The following TOP6BL variants were observed in gnomAD, a reference collection of about 807,000 sequenced individuals.
TOP6BL encodes TOP6B like initiator of meiotic double strand breaks, also known as type 2 DNA topoisomerase 6 subunit B-like.
At chr11:66,767,497 A>G in the TOP6BL span, among the ~76,000 whole-genome samples, 1 of 152,130 alleles carries the variant, frequency 6.6e-6, no homozygotes, top group South Asian at 2.1e-4. Flanking sequence ...TCTTTCTTCT[A>G]TTCATATTAT....
chr11:66,779,522 G>C, the TOP6BL span, among the ~76,000 whole-genome samples: 1 of 152,206 alleles, frequency 6.6e-6, no homozygotes, highest in African/African-American at 2.4e-5. Flanking sequence ...ACAGGTGCTG[G>C]AGAGGATGTG....
chr11:66,786,952 A>C, the TOP6BL span, among the ~76,000 whole-genome samples: 6 of 138,872 alleles, frequency 4.3e-5, no homozygotes, highest in Non-Finnish European at 9.4e-5. Flanking sequence ...TTTTTTTTTG[A>C]GATGGAGTTT....
At chr11:66,842,975 C>T in the TOP6BL span, 47 of 1,550,510 alleles carry the variant, frequency 3.0e-5, no homozygotes, top group African/African-American at 4.6e-4. Flanking sequence ...CCGGAAGCCA[C>T]CGCGGCCCCC....
chr11:66,763,223 A>T, the TOP6BL span, among the ~76,000 whole-genome samples: 10 of 152,200 alleles, frequency 6.6e-5, no homozygotes, highest in Non-Finnish European at 1.2e-4. Flanking sequence ...ATGAGGACTT[A>T]AAAATGCTTG....
At chr11:66,819,232 A>T in the TOP6BL span, among the ~76,000 whole-genome samples, 1 of 152,188 alleles carries the variant, frequency 6.6e-6, no homozygotes, top group Non-Finnish European at 1.5e-5. Context: ...TTGTCATGGT[A>T]ACTTTTCTGT....
At chr11:66,825,585 C>T in the TOP6BL span, among the ~76,000 whole-genome samples, 1 of 152,024 alleles carries the variant, frequency 6.6e-6, no homozygotes, top group Admixed American at 6.6e-5. Flanking sequence ...CAGAGGAGGG[C>T]CCTCACCAGA....
the TOP6BL span, chr11:66,744,819 G>GGGGGGCGGCGGCGGC: frequency 9.8e-6 from 12 of 1,230,604 alleles, no homozygotes; most frequent in African/African-American, 1.6e-4. Flanking sequence ...GCTGAGGAGG[G>GGGGGGCGGCGGCGGC]GGCGGCGGCG....
the TOP6BL span, among the ~76,000 whole-genome samples, chr11:66,831,452 A>G: frequency 6.6e-6 from 1 of 152,250 alleles, no homozygotes; most frequent in Non-Finnish European, 1.5e-5. Flanking sequence ...ACACAGTGAC[A>G]TGGATGAATC....
the TOP6BL span, among the ~76,000 whole-genome samples, chr11:66,773,550 A>T: frequency 1.3e-5 from 2 of 151,672 alleles, no homozygotes; most frequent in African/African-American, 4.8e-5. Context: ...ATTTTCCTTG[A>T]TCAGTCTGGC....
At chr11:66,764,590 G>A in the TOP6BL span, among the ~76,000 whole-genome samples, 1 of 151,084 alleles carries the variant, frequency 6.6e-6, no homozygotes, top group Non-Finnish European at 1.5e-5. Context: ...GCTTGAACCT[G>A]GGAGGCGGAG....
the TOP6BL span, among the ~76,000 whole-genome samples, chr11:66,764,913 A>C: frequency 6.6e-6 from 1 of 151,974 alleles, no homozygotes; most frequent in Admixed American, 6.6e-5. Flanking sequence ...GTCTGCAGTG[A>C]GCTGTGATTG....
At chr11:66,835,996 T>C in the TOP6BL span, among the ~76,000 whole-genome samples, 2 of 152,252 alleles carry the variant, frequency 1.3e-5, no homozygotes, top group Admixed American at 6.5e-5. Context: ...TGCATCATTT[T>C]ACATTCCTGC....
At chr11:66,821,554 C>G in the TOP6BL span, 1 of 1,429,318 alleles carries the variant, frequency 7.0e-7, no homozygotes, top group Non-Finnish European at 9.5e-7. Flanking sequence ...GGATTACAGG[C>G]CACATCTGGT....
chr11:66,794,093 CA>C, the TOP6BL span, among the ~76,000 whole-genome samples: 7 of 102,594 alleles, frequency 6.8e-5, no homozygotes. Flanking sequence ...GCCTGAGTGA[CA>C]AAGCGAGACC....
chr11:66,764,161 A>C, the TOP6BL span, among the ~76,000 whole-genome samples: 1 of 152,134 alleles, frequency 6.6e-6, no homozygotes, highest in African/African-American at 2.4e-5. Flanking sequence ...TGTCCTGAAG[A>C]GTTTGCTCTG....
the TOP6BL span, among the ~76,000 whole-genome samples, chr11:66,800,132 A>G: frequency 1.3e-5 from 2 of 152,102 alleles, no homozygotes; most frequent in Admixed American, 1.3e-4. Context: ...TTCTTAATCA[A>G]CAGAAAGACA....
chr11:66,764,238 CTAAT>C, the TOP6BL span, among the ~76,000 whole-genome samples: 1 of 152,062 alleles, frequency 6.6e-6, no homozygotes, highest in East Asian at 1.9e-4. Context: ...TCAAAAACAT[CTAAT>C]TATTTATAAG....
the TOP6BL span, among the ~76,000 whole-genome samples, chr11:66,799,283 G>C: frequency 6.6e-6 from 1 of 151,446 alleles, no homozygotes; most frequent in Non-Finnish European, 1.5e-5. Flanking sequence ...CTACTCAGGA[G>C]GCTGAGGCAG....
the TOP6BL span, among the ~76,000 whole-genome samples, chr11:66,745,209 T>C: frequency 6.7e-6 from 1 of 150,200 alleles, no homozygotes; most frequent in Admixed American, 6.7e-5. Flanking sequence ...TGACGCAGCC[T>C]CGGAGGTGCC....
Sources: allele counts gnomAD v4.1 joint callset (sites outside exome capture counted in the v4.1 genomes callset), GRCh38; gene constraint gnomAD v4.1.1; transcripts MANE v1.5; gene names NCBI Gene and HGNC (gene_info 2026-07-23, HGNC 2026-07-21).